Variants in MANBAL observed in about 807,000 individuals in gnomAD.
MANBAL encodes the protein protein MANBAL.
MANBAL carries 1 observed loss-of-function variant against 6.4 expected under a neutral mutation model. The observed-to-expected ratio is 0.16, with a 90% confidence interval of 0.06 to 0.74. The LOEUF is 0.74. MANBAL is among the 30% of genes least tolerant of loss of function. The pLI is 0.78. For synonymous variants in MANBAL, 47 were observed against 45.8 expected (o/e 1.03, Z -0.10); for missense variants, 100 against 107.8 (o/e 0.93, Z 0.32).
intron 1 of MANBAL, among the ~76,000 whole-genome samples, chr20:37,295,583 A>G (rs530790852): frequency 9.2e-5 from 14 of 152,114 alleles, no homozygotes; most frequent in Non-Finnish European, 1.9e-4. Context: ...CGATTGACAT[A>G]CTGGGTAAGC....
chr20:37,289,955 G>C (rs117012327), intron 1 of MANBAL, among the ~76,000 whole-genome samples: 1 of 152,348 alleles, frequency 6.6e-6, no homozygotes, highest in Non-Finnish European at 1.5e-5. Context: ...GCTCCTCATG[G>C]CCTGGTCCGG....
intron 2 of MANBAL, among the ~76,000 whole-genome samples, chr20:37,315,838 T>C (rs985756669): frequency 1.1e-4 from 16 of 152,362 alleles, no homozygotes; most frequent in African/African-American, 3.8e-4. Context: ...GTCTGCCCCA[T>C]AGCCAGCTCC....
intron 2 of MANBAL, among the ~76,000 whole-genome samples, chr20:37,313,996 C>T (rs765629613): frequency 1.3e-5 from 2 of 152,182 alleles, no homozygotes; most frequent in South Asian, 2.1e-4. Flanking sequence ...ATTCCAGAGA[C>T]AGCCACTGGA....
At chr20:37,303,428 G>T (rs1157150919) in intron 2 of MANBAL, among the ~76,000 whole-genome samples, 3 of 152,050 alleles carry the variant, frequency 2.0e-5, no homozygotes, top group African/African-American at 7.3e-5. Flanking sequence ...AGTTCATACT[G>T]GTATTTCCAA....
chr20:37,305,321 G>T (rs1600910740), intron 2 of MANBAL, among the ~76,000 whole-genome samples: 1 of 152,298 alleles, frequency 6.6e-6, no homozygotes, highest in East Asian at 1.9e-4. Context: ...GTGTGTGGCT[G>T]TTTGGAGAGC....
At chr20:37,305,736 T>G (rs570882918) in intron 2 of MANBAL, among the ~76,000 whole-genome samples, 1 of 151,708 alleles carries the variant, frequency 6.6e-6, no homozygotes, top group South Asian at 2.1e-4. Context: ...TACAGTACTG[T>G]TGATCTAACT....
intron 2 of MANBAL, among the ~76,000 whole-genome samples, chr20:37,307,386 G>C (rs149343828): frequency 6.6e-6 from 1 of 152,344 alleles, no homozygotes; most frequent in East Asian, 1.9e-4. Flanking sequence ...TCAGTTCTTA[G>C]ATGTGTTAAG....
intron 2 of MANBAL, among the ~76,000 whole-genome samples, chr20:37,315,352 T>C (rs1040632120): frequency 2.0e-5 from 3 of 152,206 alleles, no homozygotes; most frequent in Non-Finnish European, 4.4e-5. Flanking sequence ...CCGTCCTTTC[T>C]GGCCACGGCA....
In MANBAL at chr20:37,317,147, G is replaced by A. The variant is rs545310967; in HGVS notation, c.*732G>A. On this transcript the variant is annotated 3_prime_UTR_variant, in exon 3 of 3. Transcript: ENST00000373606. ...CAACCCATCATAGCACGTTCAAGGTGTGCCTTTTACTTCTACCTGTACATC... is the reference window on the plus strand; with the variant it reads ...CAACCCATCATAGCACGTTCAAGGTATGCCTTTTACTTCTACCTGTACATC... 6.5e-6 allele frequency: 1 copy of A among 152,782 alleles called. No homozygotes were observed. The highest frequency in any genetic ancestry group is 2.1e-4 in the South Asian group (1 of 4,828). The allele number at this position is 152,782 out of a possible 1,614,324, so 9.5% of individuals were successfully genotyped here. A position where few individuals can be genotyped will look rare whatever the true frequency, so the allele number is the denominator to read the frequency against.
rs371345376 is a variant in MANBAL, at chr20:37,316,425, C to T, written c.*10C>T. 1.2e-6 allele frequency: 2 copies of T among 1,609,776 alleles called. No individual in the cohort carries two copies. Among genetic ancestry groups the T allele is most frequent in the South Asian group, 1.1e-5 (1 of 90,906 alleles). On this transcript the variant is annotated 3_prime_UTR_variant, in exon 3 of 3. Transcript: ENST00000373606. ...TAAGAAGAAGCGGTAGAAGAGGAGG[C>T]CTGAGGAGCTGGGCGGGCAGGGAGA...
At chr20:37,290,740 G>T (rs1050028205) in intron 1 of MANBAL, among the ~76,000 whole-genome samples, 1 of 151,906 alleles carries the variant, frequency 6.6e-6, no homozygotes, top group Non-Finnish European at 1.5e-5. Flanking sequence ...ATTATAGGCG[G>T]GAGCCACCAC....
chr20:37,289,719 C>G (rs935677907), intron 1 of MANBAL, 33 bp downstream of exon 1: 2 of 152,332 alleles, frequency 1.3e-5, no homozygotes, highest in African/African-American at 4.8e-5. Context: ...GGGGTGGGAA[C>G]CGAGAGAGAG....
intron 2 of MANBAL, among the ~76,000 whole-genome samples, chr20:37,313,073 A>G (rs2069423628): frequency 6.6e-6 from 1 of 152,216 alleles, no homozygotes; most frequent in Admixed American, 6.5e-5. Context: ...CTAATAGGGG[A>G]GACTAACATG....
intron 1 of MANBAL, among the ~76,000 whole-genome samples, chr20:37,294,700 C>A (rs1226206902): frequency 2.6e-5 from 4 of 152,194 alleles, no homozygotes; most frequent in Admixed American, 6.5e-5. Flanking sequence ...CTTCCCCGAC[C>A]ACCTCATATT....
At position 37,316,387 on chromosome 20, in the gene MANBAL, C is replaced by T; in HGVS notation, c.230C>T (p.Pro77Leu). The stretch of plus-strand genomic sequence containing the variant: ...GCTGTTCCTTCTGTGAACAAGAGGC[C>T]CAAGAAAGAGACTAAGAAGAAGCGG... The part of the protein sequence containing the change: ...KAAVPSVNKR[P>L]KKETKKKR Residue 77 changes from proline (P) to leucine (L), a missense_variant, in exon 3 of 3, where the codon CCC becomes CTC. Transcript: ENST00000373606. 1 of 1,613,698 alleles carries T rather than the reference C, an allele frequency of 6.2e-7. No individual in the cohort carries two copies. The highest frequency in any genetic ancestry group is 8.5e-7 in the Non-Finnish European group (1 of 1,179,766).
chr20:37,302,764 T>C (rs866629524), intron 2 of MANBAL, among the ~76,000 whole-genome samples: 10 of 145,996 alleles, frequency 6.8e-5, no homozygotes, highest in South Asian at 4.3e-4. Flanking sequence ...TAATATGTTT[T>C]AGTTTTTTTT....
chr20:37,296,940 C>G (rs1443170633), intron 1 of MANBAL: 1 of 152,122 alleles, frequency 6.6e-6, no homozygotes, highest in Non-Finnish European at 1.5e-5. Flanking sequence ...TCTATTGTAC[C>G]ACTCCAAATA....
intron 2 of MANBAL, among the ~76,000 whole-genome samples, chr20:37,314,877 G>A (rs1370519939): frequency 1.3e-5 from 2 of 152,240 alleles, no homozygotes; most frequent in Non-Finnish European, 2.9e-5. Flanking sequence ...GGTGGGCTGA[G>A]GCTTGGGCCA....
chr20:37,303,934 T>A (rs1226899680), intron 2 of MANBAL, among the ~76,000 whole-genome samples: 1 of 152,220 alleles, frequency 6.6e-6, no homozygotes, highest in Non-Finnish European at 1.5e-5. Context: ...GCCACTCTTA[T>A]CATTTCTGGG....
Sources: allele counts gnomAD v4.1 joint callset (sites outside exome capture counted in the v4.1 genomes callset), GRCh38; gene constraint gnomAD v4.1.1; transcripts MANE v1.5; gene names NCBI Gene and HGNC (gene_info 2026-07-23, HGNC 2026-07-21).